The following CEP128 variants were observed in gnomAD, a reference collection of about 807,000 sequenced individuals.
The protein encoded by CEP128 is centrosomal protein 128, also known as centrosomal protein 128kDa.
In CEP128, 132 loss-of-function variants were observed where a neutral mutation model predicts 156.7. That is an observed-to-expected ratio of 0.84 (90% CI 0.73 to 0.97). CEP128 has a LOEUF of 0.97. Ranked by LOEUF, CEP128 falls within the 50% of genes least tolerant of loss-of-function variation. CEP128 has a pLI of 0.00. For synonymous variants in CEP128, 469 were observed against 448.9 expected (o/e 1.04, Z -0.57); for missense variants, 1,252 against 1,281.9 (o/e 0.98, Z 0.36).
chr14:80,626,961 A>G (rs528144794), intron 19 of CEP128, among the ~76,000 whole-genome samples: 1 of 152,120 alleles, frequency 6.6e-6, no homozygotes, highest in Non-Finnish European at 1.5e-5. Flanking sequence ...TCAAGCATAC[A>G]TTTTAACCAC....
At chr14:80,693,451 G>A (rs1028920633) in intron 19 of CEP128, among the ~76,000 whole-genome samples, 1 of 152,040 alleles carries the variant, frequency 6.6e-6, no homozygotes, top group South Asian at 2.1e-4. Context: ...ATTCTTTAAT[G>A]AGACATAGAG....
intron 8 of CEP128, among the ~76,000 whole-genome samples, chr14:80,866,195 C>T (rs1887759803): frequency 6.6e-6 from 1 of 151,980 alleles, no homozygotes; most frequent in Non-Finnish European, 1.5e-5. Context: ...CCCCCGTGGG[C>T]CCAGGTACCA....
At chr14:80,625,043 T>A (rs1893651132) in intron 19 of CEP128, among the ~76,000 whole-genome samples, 1 of 152,168 alleles carries the variant, frequency 6.6e-6, no homozygotes, top group Non-Finnish European at 1.5e-5. Flanking sequence ...CTGTAGTAAT[T>A]TTATAGTTTC....
At chr14:80,523,766 GATTGGCAAATACAGAAAAAGGAAA>G (rs1200088212) in intron 23 of CEP128, among the ~76,000 whole-genome samples, 1 of 152,150 alleles carries the variant, frequency 6.6e-6, no homozygotes, top group Non-Finnish European at 1.5e-5. Flanking sequence ...GTATCTATTT[GATTGGCAAATACAGAAAAAGGAAA>G]CATGTCATAT....
At chr14:80,801,346 C>G (rs983836011) in intron 13 of CEP128, among the ~76,000 whole-genome samples, 2 of 151,916 alleles carry the variant, frequency 1.3e-5, no homozygotes, top group Non-Finnish European at 2.9e-5. Context: ...CAGCTTTTGC[C>G]CATTCAATAT....
chr14:80,908,840 C>G (rs1884038630), intron 4 of CEP128, among the ~76,000 whole-genome samples: 1 of 152,158 alleles, frequency 6.6e-6, no homozygotes, highest in South Asian at 2.1e-4. Context: ...TCACCTTAAC[C>G]CAGTTAGGAA....
intron 21 of CEP128, among the ~76,000 whole-genome samples, chr14:80,550,193 C>T (rs1442327299): frequency 6.6e-6 from 1 of 152,124 alleles, no homozygotes; most frequent in Admixed American, 6.6e-5. Context: ...GTTGTGTTAG[C>T]TCTGTAAGTA....
At chr14:80,903,896 G>A (rs28811052) in intron 6 of CEP128, among the ~76,000 whole-genome samples, 10,092 of 152,110 alleles carry the variant, frequency 0.066, 1,101 homozygotes, top group African/African-American at 0.23. Context: ...TACTGGGAAC[G>A]TAAACTAGTA....
At chr14:80,498,718 A>G (rs558710622) in intron 24 of CEP128, among the ~76,000 whole-genome samples, 1 of 152,216 alleles carries the variant, frequency 6.6e-6, no homozygotes, top group South Asian at 2.1e-4. Flanking sequence ...TTATAGCACC[A>G]ATCACCATTT....
chr14:80,917,044 C>A (rs1227730748), intron 2 of CEP128, among the ~76,000 whole-genome samples: 1 of 152,168 alleles, frequency 6.6e-6, no homozygotes, highest in Non-Finnish European at 1.5e-5. Flanking sequence ...ACTCAGTGTA[C>A]ATTGACAACT....
intron 19 of CEP128, among the ~76,000 whole-genome samples, chr14:80,608,632 T>C (rs1290078895): frequency 6.6e-6 from 1 of 152,160 alleles, no homozygotes; most frequent in Non-Finnish European, 1.5e-5. Context: ...ACTAAACTAT[T>C]TGCAGCTCTT....
At position 80,921,030 on chromosome 14, in the gene CEP128, T is replaced by C. The variant is rs185659821; in HGVS notation, c.-15-4468A>G. On this transcript the variant is annotated intron_variant, in intron 2 of 24. Coordinates refer to ENST00000555265, the MANE Select transcript of CEP128 (RefSeq NM_152446.5). ...CAACTCAAATTTCAAAATACAAGAA[T>C]GGTTAAACTATGGTACATCTATACA... Among the ~76,000 whole-genome samples the C allele has an allele frequency of 1.6e-3, 244 of 152,302 alleles. 1 individual carries two copies. Among genetic ancestry groups the C allele is most frequent in the African/African-American group, 5.7e-3 (238 of 41,576 alleles).
At chr14:80,882,401 C>T (rs1452710388) in intron 8 of CEP128, among the ~76,000 whole-genome samples, 1 of 151,868 alleles carries the variant, frequency 6.6e-6, no homozygotes, top group African/African-American at 2.4e-5. Flanking sequence ...TGATTTATAT[C>T]CAAAAGACAG....
chr14:80,705,050 T>C (rs1460408040), intron 19 of CEP128, among the ~76,000 whole-genome samples: 1 of 151,818 alleles, frequency 6.6e-6, no homozygotes, highest in Non-Finnish European at 1.5e-5. Flanking sequence ...ATTTCTAAAA[T>C]AAAATTATTC....
At chr14:80,665,091 GAATT>G (rs1409496843) in intron 19 of CEP128, among the ~76,000 whole-genome samples, 19 of 152,132 alleles carry the variant, frequency 1.2e-4, no homozygotes, top group Non-Finnish European at 2.5e-4. Flanking sequence ...CTGATTCTAA[GAATT>G]ATTTAGGTGT....
intron 21 of CEP128, among the ~76,000 whole-genome samples, chr14:80,534,987 T>C (rs915645376): frequency 6.6e-6 from 1 of 152,190 alleles, no homozygotes; most frequent in African/African-American, 2.4e-5. Flanking sequence ...CAATTAAGAT[T>C]CCACTTCATA....
chr14:80,536,976 T>C (rs942472692), intron 21 of CEP128, among the ~76,000 whole-genome samples: 1 of 152,220 alleles, frequency 6.6e-6, no homozygotes, highest in African/African-American at 2.4e-5. Context: ...ATGACATCAG[T>C]GTCTACATTT....
intron 19 of CEP128, among the ~76,000 whole-genome samples, chr14:80,727,866 T>C (rs1335975666): frequency 3.3e-5 from 5 of 152,104 alleles, no homozygotes; most frequent in Non-Finnish European, 5.9e-5. Context: ...AAATAACAGA[T>C]GTTGGCATGG....
intron 15 of CEP128, among the ~76,000 whole-genome samples, chr14:80,782,643 C>A (rs920281080): frequency 2.0e-5 from 3 of 152,130 alleles, no homozygotes; most frequent in Non-Finnish European, 2.9e-5. Context: ...TTACTGGTTT[C>A]CTCCGAATCC....
Sources: allele counts gnomAD v4.1 joint callset (sites outside exome capture counted in the v4.1 genomes callset), GRCh38; gene constraint gnomAD v4.1.1; transcripts MANE v1.5; gene names NCBI Gene and HGNC (gene_info 2026-07-23, HGNC 2026-07-21).